SH3RF3: variants seen among roughly 807,000 people sequenced by gnomAD.
The protein encoded by SH3RF3 is E3 ubiquitin-protein ligase SH3RF3.
Under a neutral mutation model 66.3 loss-of-function variants are expected in SH3RF3, and 29 were observed. That is an observed-to-expected ratio of 0.44 (90% CI 0.33 to 0.60). The LOEUF is 0.60. SH3RF3 is among the 20% of genes least tolerant of loss of function. The pLI is 0.04. For synonymous variants in SH3RF3, 583 were observed against 532.0 expected, an observed-to-expected ratio of 1.10 and a Z score of -1.32; for missense variants, 1,194 against 1,190.9, an observed-to-expected ratio of 1.00 and a Z score of -0.04.
At chr2:109,186,555 T>A (rs1420943932) in intron 1 of SH3RF3, among the ~76,000 whole-genome samples, 1 of 152,228 alleles carries the variant, frequency 6.6e-6, no homozygotes, top group East Asian at 1.9e-4. Context: ...TTTTGACATT[T>A]CCAGCAACCA....
intron 2 of SH3RF3, among the ~76,000 whole-genome samples, chr2:109,357,572 C>T (rs938078743): frequency 2.6e-5 from 4 of 152,244 alleles, no homozygotes; most frequent in Admixed American, 6.5e-5. Context: ...CGCATGTCTA[C>T]TAACACTACA....
intron 3 of SH3RF3, among the ~76,000 whole-genome samples, chr2:109,382,950 T>G (rs1675734846): frequency 6.6e-6 from 1 of 152,260 alleles, no homozygotes; most frequent in Non-Finnish European, 1.5e-5. Flanking sequence ...CCATGCTCAC[T>G]TCTTTCCTGA....
At chr2:109,399,515 C>G (rs1676246696) in intron 4 of SH3RF3, among the ~76,000 whole-genome samples, 1 of 151,868 alleles carries the variant, frequency 6.6e-6, no homozygotes, top group Non-Finnish European at 1.5e-5. Context: ...GTGGCTCATG[C>G]CTGTAATCCT....
chr2:109,131,945 A>G (rs1676706762), intron 1 of SH3RF3, among the ~76,000 whole-genome samples: 2 of 152,234 alleles, frequency 1.3e-5, no homozygotes. Context: ...ATGCTGGGAT[A>G]ATAGCATTAG....
At chr2:109,353,871 T>C (rs1205435268) in intron 2 of SH3RF3, among the ~76,000 whole-genome samples, 1 of 152,058 alleles carries the variant, frequency 6.6e-6, no homozygotes, top group Non-Finnish European at 1.5e-5. Context: ...GGCCGCAGGT[T>C]CCCCTCAGCC....
chr2:109,494,814 C>T (rs987095337), intron 9 of SH3RF3, among the ~76,000 whole-genome samples: 11 of 152,196 alleles, frequency 7.2e-5, no homozygotes, highest in African/African-American at 2.7e-4. Context: ...GCCCAGACTC[C>T]TCCAGATCTC....
chr2:109,316,853 G>A (rs66648815), intron 1 of SH3RF3, among the ~76,000 whole-genome samples: 1 of 151,986 alleles, frequency 6.6e-6, no homozygotes, highest in Non-Finnish European at 1.5e-5. Context: ...TTGTACTGTC[G>A]CTGTAGTTCT....
At chr2:109,397,216 A>T (rs1487142960) in intron 3 of SH3RF3, among the ~76,000 whole-genome samples, 1 of 152,128 alleles carries the variant, frequency 6.6e-6, no homozygotes, top group Non-Finnish European at 1.5e-5. Context: ...ACTCAGAGAC[A>T]GCTCCCGCTT....
intron 8 of SH3RF3, among the ~76,000 whole-genome samples, chr2:109,484,063 C>CT (rs1559107868): frequency 1.4e-5 from 2 of 139,480 alleles, no homozygotes; most frequent in African/African-American, 5.4e-5. Flanking sequence ...ATCCTCTGGC[C>CT]TTTCTTTTTT....
chr2:109,291,710 T>TGTCTC (rs1681187749), intron 1 of SH3RF3, among the ~76,000 whole-genome samples: 1 of 152,222 alleles, frequency 6.6e-6, no homozygotes. Flanking sequence ...TGCTCCTCTT[T>TGTCTC]GTCTCCCAAG....
At chr2:109,229,465 A>T (rs371860281) in intron 1 of SH3RF3, among the ~76,000 whole-genome samples, 81 of 152,282 alleles carry the variant, frequency 5.3e-4, no homozygotes, top group African/African-American at 1.9e-3. Context: ...TCTGGCTATG[A>T]CAGCTTCTCA....
chr2:109,358,952 A>G (rs1683003610), intron 2 of SH3RF3, among the ~76,000 whole-genome samples: 1 of 152,122 alleles, frequency 6.6e-6, no homozygotes, highest in African/African-American at 2.4e-5. Flanking sequence ...TATTGAGTTC[A>G]TTTTTGTGAG....
At chr2:109,192,998 C>T (rs368286336) in intron 1 of SH3RF3, among the ~76,000 whole-genome samples, 27 of 152,306 alleles carry the variant, frequency 1.8e-4, no homozygotes, top group East Asian at 1.3e-3. Flanking sequence ...ACTTGGAAAC[C>T]TGCAAGTTGG....
intron 1 of SH3RF3, among the ~76,000 whole-genome samples, chr2:109,170,300 T>TC (rs1677743918): frequency 2.5e-5 from 3 of 121,214 alleles, no homozygotes; most frequent in African/African-American, 3.3e-5. Context: ...TTCTCTTCTC[T>TC]TCTCTTCTCT....
chr2:109,357,447 C>T (rs1361740939), intron 2 of SH3RF3, among the ~76,000 whole-genome samples: 1 of 152,220 alleles, frequency 6.6e-6, no homozygotes, highest in African/African-American at 2.4e-5. Context: ...TCCCAAAGTG[C>T]TGGGATTACA....
At chr2:109,341,592 TAAG>T (rs1200898724) in intron 1 of SH3RF3, among the ~76,000 whole-genome samples, 1 of 152,228 alleles carries the variant, frequency 6.6e-6, no homozygotes, top group African/African-American at 2.4e-5. Context: ...TTGGCTCAGA[TAAG>T]ATCAAGTTTC....
chr2:109,467,692 C>T (rs1326338562), intron 8 of SH3RF3, among the ~76,000 whole-genome samples: 1 of 152,228 alleles, frequency 6.6e-6, no homozygotes, highest in African/African-American at 2.4e-5. Flanking sequence ...GAAGAGAGGA[C>T]GAGCATGATT....
At chr2:109,477,582 C>T (rs1325920953) in intron 8 of SH3RF3, among the ~76,000 whole-genome samples, 1 of 151,804 alleles carries the variant, frequency 6.6e-6, no homozygotes, top group Non-Finnish European at 1.5e-5. Flanking sequence ...GTTGTAGTCC[C>T]TTGAGTTGCT....
intron 8 of SH3RF3, among the ~76,000 whole-genome samples, chr2:109,471,192 G>A (rs554437320): frequency 7.3e-5 from 9 of 123,374 alleles, no homozygotes; most frequent in African/African-American, 2.3e-4. Flanking sequence ...CAGCCTGGGC[G>A]ACAGACTCTG....
Sources: allele counts gnomAD v4.1 joint callset (sites outside exome capture counted in the v4.1 genomes callset), GRCh38; gene constraint gnomAD v4.1.1; transcripts MANE v1.5; gene names NCBI Gene and HGNC (gene_info 2026-07-23, HGNC 2026-07-21).